The following IGF2BP2 variants were observed in gnomAD, a reference collection of about 807,000 sequenced individuals.
IGF2BP2 encodes insulin like growth factor 2 mRNA binding protein 2.
Under a neutral mutation model 75.8 loss-of-function variants are expected in IGF2BP2, and 17 were observed. The ratio of observed to expected loss-of-function variants is 0.22; its 90% CI spans 0.15 to 0.34. The LOEUF is 0.34. IGF2BP2 is among the 10% of genes least tolerant of loss of function. The pLI, the probability that IGF2BP2 is intolerant of heterozygous loss-of-function variation, is 1.00. For missense variants in IGF2BP2, 516 were observed against 772.4 expected (o/e 0.67, Z 3.93); for synonymous variants, 288 against 295.6 (o/e 0.97, Z 0.26).
chr3:185,780,482 G>A (rs920034456), intron 2 of IGF2BP2, among the ~76,000 whole-genome samples: 7 of 152,128 alleles, frequency 4.6e-5, no homozygotes, highest in Admixed American at 1.3e-4. Context: ...AGCAAACTGC[G>A]GGTATTTGGT....
intron 10 of IGF2BP2, among the ~76,000 whole-genome samples, chr3:185,666,001 CATAGATAGATAG>C (rs57817338): frequency 0.1 from 14,579 of 145,322 alleles, 857 homozygotes; most frequent in Middle Eastern, 0.18. Flanking sequence ...TAGATAGGTA[CATAGATAGATAG>C]ATAGATAGAT....
intron 2 of IGF2BP2, among the ~76,000 whole-genome samples, chr3:185,762,368 A>G (rs1270850274): frequency 2.9e-5 from 4 of 139,756 alleles, no homozygotes; most frequent in African/African-American, 1.1e-4. Context: ...GCTTTACTTA[A>G]AAAAAAAAAA....
At chr3:185,678,681 G>T (rs1719916463) in intron 7 of IGF2BP2, among the ~76,000 whole-genome samples, 1 of 152,104 alleles carries the variant, frequency 6.6e-6, no homozygotes, top group Non-Finnish European at 1.5e-5. Flanking sequence ...TTTCCTTATT[G>T]TTCTTCTGTC....
intron 2 of IGF2BP2, among the ~76,000 whole-genome samples, chr3:185,710,020 A>G (rs1433891544): frequency 6.6e-6 from 1 of 152,216 alleles, no homozygotes; most frequent in Admixed American, 6.5e-5. Flanking sequence ...GTGTTGGGGT[A>G]CAGTAGTGAA....
intron 10 of IGF2BP2, among the ~76,000 whole-genome samples, chr3:185,663,653 G>A (rs757484316): frequency 1.3e-5 from 2 of 152,192 alleles, no homozygotes; most frequent in Non-Finnish European, 2.9e-5. Flanking sequence ...TGGGAAAGGT[G>A]AGTGCAAAGC....
rs542270752 is a variant in IGF2BP2, at chr3:185,696,178, A to C, written c.340+434T>G. On this transcript the variant is annotated intron_variant, in intron 4 of 15. Coordinates refer to ENST00000382199, the MANE Select transcript of IGF2BP2 (RefSeq NM_006548.6). ...AGTAAGCCCTAGGAGTCTGCAATTC[A>C]CAAGCACTTCAAGGGATTATTGGTA... Among the ~76,000 whole-genome samples the C allele has an allele frequency of 3.3e-5, 5 of 152,274 alleles. No homozygotes were observed. The South Asian group carries it at 1.0e-3, about 32-fold the overall frequency.
intron 10 of IGF2BP2, among the ~76,000 whole-genome samples, chr3:185,663,615 G>A (rs1266714813): frequency 3.9e-5 from 6 of 152,182 alleles, no homozygotes; most frequent in Non-Finnish European, 5.9e-5. Context: ...GAAGCATGAA[G>A]AAATCAGGGG....
chr3:185,643,775 TTTTC>T lies in IGF2BP2; in HGVS notation c.*1752_*1755del, dbSNP rs1310286856. 4.1e-5 allele frequency: 6 copies of T among 144,642 alleles called. No homozygotes were observed. The highest frequency in any genetic ancestry group is 3.9e-4 in the East Asian group (2 of 5,078). The allele number at this position is 144,642 out of a possible 1,614,324, so 9.0% of individuals were successfully genotyped here. On this transcript the variant is annotated 3_prime_UTR_variant, in exon 16 of 16. Transcript: ENST00000382199. ...GGATATATTTCTGTTTTTTCTTTTT[TTTTC>T]TTTTTTTTTTTTTTTTTTTTGTCAC...
At chr3:185,712,981 T>C (rs578007362) in intron 2 of IGF2BP2, among the ~76,000 whole-genome samples, 67 of 152,350 alleles carry the variant, frequency 4.4e-4, no homozygotes, top group African/African-American at 1.6e-3. Flanking sequence ...TTGTACAATA[T>C]CTGGTGTCCA....
At chr3:185,745,097 G>C (rs1299188369) in intron 2 of IGF2BP2, among the ~76,000 whole-genome samples, 1 of 152,200 alleles carries the variant, frequency 6.6e-6, no homozygotes, top group Non-Finnish European at 1.5e-5. Context: ...TGCACTTGGA[G>C]GCCTCATTCC....
At chr3:185,683,789 G>A (rs1235768916) in intron 7 of IGF2BP2, among the ~76,000 whole-genome samples, 1 of 152,162 alleles carries the variant, frequency 6.6e-6, no homozygotes, top group Non-Finnish European at 1.5e-5. Flanking sequence ...AGGAAGGGAT[G>A]CCCTCTCCCT....
At chr3:185,771,192 C>A (rs1388668549) in intron 2 of IGF2BP2, among the ~76,000 whole-genome samples, 1 of 152,154 alleles carries the variant, frequency 6.6e-6, no homozygotes, top group Non-Finnish European at 1.5e-5. Flanking sequence ...GTAACCTCAG[C>A]ACTTTGGGAG....
intron 2 of IGF2BP2, among the ~76,000 whole-genome samples, chr3:185,763,887 T>G (rs1732706427): frequency 6.6e-6 from 1 of 152,138 alleles, no homozygotes; most frequent in Non-Finnish European, 1.5e-5. Flanking sequence ...GATGGAAAGT[T>G]GACGGGTGGA....
At chr3:185,670,985 T>C (rs1718419241) in intron 10 of IGF2BP2, among the ~76,000 whole-genome samples, 1 of 152,248 alleles carries the variant, frequency 6.6e-6, no homozygotes, top group Non-Finnish European at 1.5e-5. Context: ...TGGGGCTGTA[T>C]GTACAGCCTC....
chr3:185,751,601 C>T (rs565526917), intron 2 of IGF2BP2, among the ~76,000 whole-genome samples: 3 of 151,444 alleles, frequency 2.0e-5, no homozygotes, highest in African/African-American at 7.3e-5. Context: ...GCCAAGATCA[C>T]GCCATCGCAC....
intron 2 of IGF2BP2, among the ~76,000 whole-genome samples, chr3:185,741,184 T>C (rs1007015623): frequency 6.6e-6 from 1 of 152,180 alleles, no homozygotes; most frequent in African/African-American, 2.4e-5. Flanking sequence ...CATATTTCCT[T>C]CTTGAGAAAT....
At chr3:185,693,932 C>T (rs1722257320) in intron 4 of IGF2BP2, among the ~76,000 whole-genome samples, 2 of 152,170 alleles carry the variant, frequency 1.3e-5, no homozygotes, top group African/African-American at 4.8e-5. Context: ...ATGATTCAAA[C>T]TTGTAGAAAT....
At chr3:185,673,935 C>A (rs1718901830) in intron 9 of IGF2BP2, among the ~76,000 whole-genome samples, 1 of 152,130 alleles carries the variant, frequency 6.6e-6, no homozygotes, top group African/African-American at 2.4e-5. Flanking sequence ...TGTCAAGAAC[C>A]CACAGGAAGA....
At chr3:185,646,788 C>A (rs896183015) in intron 15 of IGF2BP2, 8 of 544,318 alleles carry the variant, frequency 1.5e-5, no homozygotes, top group Admixed American at 9.3e-5. Flanking sequence ...GCGCTTAACT[C>A]TTCACTCTTC....
Sources: allele counts gnomAD v4.1 joint callset (sites outside exome capture counted in the v4.1 genomes callset), GRCh38; gene constraint gnomAD v4.1.1; transcripts MANE v1.5; gene names NCBI Gene and HGNC (gene_info 2026-07-23, HGNC 2026-07-21).